ULK4: variants seen among roughly 807,000 people sequenced by gnomAD.
ULK4 encodes the protein inactive serine/threonine-protein kinase ULK4.
ULK4 carries 133 observed loss-of-function variants against 160.6 expected under a neutral mutation model. The observed-to-expected ratio is 0.83, with a 90% CI of 0.72 to 0.96. The LOEUF (loss-of-function observed/expected upper bound fraction) is 0.96, where lower values mean the gene tolerates loss of function less well. Among genes scored for constraint, ULK4 ranks in the 40% least tolerant of loss-of-function variants. The probability of loss-of-function intolerance (pLI) is 0.00; values close to 1 mark genes in which losing one functional copy is unlikely to be tolerated. For synonymous variants in ULK4, 534 were observed against 539.8 expected (o/e 0.99, Z 0.15); for missense variants, 1,580 against 1,499.5 (o/e 1.05, Z -0.89).
At chr3:41,408,374 G>A (rs1250675000) in intron 34 of ULK4, among the ~76,000 whole-genome samples, 1 of 137,038 alleles carries the variant, frequency 7.3e-6, no homozygotes, top group African/African-American at 2.8e-5. Flanking sequence ...CTTGCAATGA[G>A]CCGAGATCGC....
At chr3:41,667,380 T>C (rs373372464) in intron 29 of ULK4, among the ~76,000 whole-genome samples, 67 of 152,308 alleles carry the variant, frequency 4.4e-4, no homozygotes, top group African/African-American at 1.4e-3. Flanking sequence ...GTTTAGAATA[T>C]AGATATTGAA....
At chr3:41,609,001 A>C (rs1266831465) in intron 31 of ULK4, among the ~76,000 whole-genome samples, 3 of 152,220 alleles carry the variant, frequency 2.0e-5, no homozygotes, top group Non-Finnish European at 4.4e-5. Context: ...CTATTTCCTC[A>C]AAGTGAGCAG....
chr3:41,789,974 C>A, intron 20 of ULK4, 131 bp from the exon 21 acceptor site: 2 of 815,592 alleles, frequency 2.5e-6, no homozygotes, highest in Non-Finnish European at 3.4e-6. Context: ...TATTTTGGCA[C>A]AAGAAAGTTG....
intron 27 of ULK4, among the ~76,000 whole-genome samples, chr3:41,689,018 G>A (rs2036192603): frequency 6.6e-6 from 1 of 152,072 alleles, no homozygotes; most frequent in Admixed American, 6.6e-5. Context: ...TCCAACTTAG[G>A]GCCGACTAGA....
intron 3 of ULK4, 195 bp downstream of exon 3, chr3:41,937,903 A>T: frequency 2.6e-6 from 1 of 391,462 alleles, no homozygotes. Context: ...AATACACGAA[A>T]GTAAATCCAA....
At chr3:41,631,277 T>C (rs2033732583) in intron 30 of ULK4, among the ~76,000 whole-genome samples, 2 of 152,100 alleles carry the variant, frequency 1.3e-5, no homozygotes, top group South Asian at 4.2e-4. Context: ...ATAAATAAAT[T>C]TTAGAACTGG....
Position 41,697,283 on chromosome 3 carries a change from T to A in ULK4, c.2781+7774A>T, listed in dbSNP as rs144261257. Among the ~76,000 whole-genome samples, 495 of 152,266 alleles carry A rather than the reference T, an allele frequency of 3.3e-3. 3 individuals carry two copies. The highest frequency in any genetic ancestry group is 0.011 in the African/African-American group (474 of 41,556). On this transcript the variant is annotated intron_variant, in intron 27 of 36. Transcript: ENST00000301831. The stretch of plus-strand genomic sequence containing the variant: ...ATGTACGATGACGGTCCCTTAAGAT[T>A]ATGATGGAGCTGAAAAATTCCTATT...
chr3:41,845,648 T>G lies in ULK4; in HGVS notation c.1657-9677A>C, dbSNP rs562069020. 4.6e-5 allele frequency among the ~76,000 whole-genome samples: 7 copies of G among 152,296 alleles called. No homozygotes were observed. The South Asian group carries it at 1.5e-3, about 32-fold the overall frequency. ...TCTGGTTGTAAAATTGTATTATACT[T>G]TTTTAAGACATTATCATGAAGGAAA... is the stretch of plus-strand genomic sequence containing the variant. On this transcript the variant is annotated intron_variant, in intron 17 of 36. Transcript: ENST00000301831.
chr3:41,373,492 C>G (rs947063423), intron 35 of ULK4, among the ~76,000 whole-genome samples: 2 of 152,184 alleles, frequency 1.3e-5, no homozygotes, highest in African/African-American at 4.8e-5. Flanking sequence ...TCACTCAAAA[C>G]GGCACAACTA....
At chr3:41,816,530 A>G (rs2040969195) in intron 19 of ULK4, among the ~76,000 whole-genome samples, 1 of 152,104 alleles carries the variant, frequency 6.6e-6, no homozygotes, top group African/African-American at 2.4e-5. Flanking sequence ...ACTATAAGAA[A>G]CCATGGCTGG....
At chr3:41,525,213 A>AC (rs1305580992) in intron 32 of ULK4, among the ~76,000 whole-genome samples, 5 of 152,214 alleles carry the variant, frequency 3.3e-5, no homozygotes, top group African/African-American at 7.2e-5. Flanking sequence ...CTCACATAGC[A>AC]CCTCAGTAAG....
rs1386128794 is a variant in ULK4, at chr3:41,317,980, T to C, written c.3679-68406A>G. On this transcript the variant is annotated intron_variant, in intron 35 of 36. Transcript: ENST00000301831. ...GGAATTAGTCACTTGACCTCCCTCC[T>C]CTTGGCAGTGCCATTTCATTGACCC... Among the ~76,000 whole-genome samples, 3 of 152,336 alleles carry C rather than the reference T, an allele frequency of 2.0e-5. No individual in the cohort carries two copies. In the East Asian group the frequency reaches 5.8e-4, roughly 29 times the overall value.
intron 17 of ULK4, among the ~76,000 whole-genome samples, chr3:41,855,216 T>C (rs2042307810): frequency 7.3e-6 from 1 of 137,730 alleles, no homozygotes; most frequent in East Asian, 1.9e-4. Flanking sequence ...CCACGACTCT[T>C]AGCAACTATA....
chr3:41,272,815 C>T (rs182924421), intron 35 of ULK4, among the ~76,000 whole-genome samples: 4 of 152,116 alleles, frequency 2.6e-5, no homozygotes, highest in South Asian at 2.1e-4. Context: ...AGCTTCTATA[C>T]GTTCACACTC....
At chr3:41,261,520 G>A (rs1350451665) in intron 35 of ULK4, among the ~76,000 whole-genome samples, 3 of 152,106 alleles carry the variant, frequency 2.0e-5, no homozygotes, top group Admixed American at 1.3e-4. Context: ...TTGGCTGATT[G>A]GCTGATTTAA....
chr3:41,516,881 C>A (rs1482189410), intron 32 of ULK4, among the ~76,000 whole-genome samples: 1 of 152,262 alleles, frequency 6.6e-6, no homozygotes, highest in South Asian at 2.1e-4. Flanking sequence ...AATACCCCTT[C>A]TCCATGTTGT....
At chr3:41,546,942 T>C (rs2125960183) in intron 32 of ULK4, among the ~76,000 whole-genome samples, 1 of 152,330 alleles carries the variant, frequency 6.6e-6, no homozygotes, top group South Asian at 2.1e-4. Context: ...CTTGCCCTCC[T>C]TGATGTAATT....
At chr3:41,942,984 C>G (rs982010230) in intron 2 of ULK4, among the ~76,000 whole-genome samples, 1 of 151,932 alleles carries the variant, frequency 6.6e-6, no homozygotes, top group African/African-American at 2.4e-5. Flanking sequence ...GAGGCCGAGG[C>G]GGGTGGATCA....
At chr3:41,713,068 C>A (rs2037158212) in intron 25 of ULK4, among the ~76,000 whole-genome samples, 1 of 151,606 alleles carries the variant, frequency 6.6e-6, no homozygotes, top group Non-Finnish European at 1.5e-5. Context: ...TGCATCCCCA[C>A]CACTACCACC....
Sources: allele counts gnomAD v4.1 joint callset (sites outside exome capture counted in the v4.1 genomes callset), GRCh38; gene constraint gnomAD v4.1.1; transcripts MANE v1.5; gene names NCBI Gene and HGNC (gene_info 2026-07-23, HGNC 2026-07-21).